The following SLC18A2 variants were observed in gnomAD, a reference collection of about 807,000 sequenced individuals.
SLC18A2 encodes synaptic vesicular amine transporter.
SLC18A2 carries 33 observed loss-of-function variants against 59.2 expected under a neutral mutation model. The observed-to-expected ratio is 0.56, with a 90% CI of 0.42 to 0.75. The LOEUF (loss-of-function observed/expected upper bound fraction) is 0.75, where lower values mean the gene tolerates loss of function less well. SLC18A2 is among the 30% of genes least tolerant of loss of function. SLC18A2 has a pLI of 0.00. For synonymous variants in SLC18A2, 228 were observed against 253.5 expected, an observed-to-expected ratio of 0.90 and a Z score of 0.95; for missense variants, 569 against 668.6, an observed-to-expected ratio of 0.85 and a Z score of 1.64.
chr10:117,241,559 C>T (rs1461146075), intron 1 of SLC18A2, 120 bp from the exon 2 acceptor site: 5 of 1,137,148 alleles, frequency 4.4e-6, no homozygotes, highest in African/African-American at 3.3e-5. Context: ...CTGGGGCGCC[C>T]GGGGGTGTCC....
At chr10:117,258,353 C>G (rs1844253537) in intron 10 of SLC18A2, among the ~76,000 whole-genome samples, 1 of 152,168 alleles carries the variant, frequency 6.6e-6, no homozygotes, top group South Asian at 2.1e-4. Flanking sequence ...TTCTCCCTCC[C>G]CCAGCCCATC....
chr10:117,251,353 GC>G (rs1398508684), intron 3 of SLC18A2, among the ~76,000 whole-genome samples: 16 of 152,162 alleles, frequency 1.1e-4, no homozygotes, highest in African/African-American at 4.8e-5. Context: ...TGCCGTGTGA[GC>G]CCCCGGTGTT....
At chr10:117,246,636 T>C (rs934874820) in intron 3 of SLC18A2, among the ~76,000 whole-genome samples, 3 of 151,866 alleles carry the variant, frequency 2.0e-5, no homozygotes, top group Non-Finnish European at 4.4e-5. Context: ...CCTGGTAATA[T>C]GGAAGGACAA....
At chr10:117,243,688 C>A (rs1412628615) in intron 2 of SLC18A2, among the ~76,000 whole-genome samples, 2 of 152,156 alleles carry the variant, frequency 1.3e-5, no homozygotes, top group Non-Finnish European at 2.9e-5. Context: ...CAGGTTCAAG[C>A]GATCCTCCTT....
intron 10 of SLC18A2, among the ~76,000 whole-genome samples, chr10:117,259,146 A>T (rs1462038318): frequency 6.6e-6 from 1 of 152,182 alleles, no homozygotes; most frequent in Non-Finnish European, 1.5e-5. Context: ...TGACTGGGTA[A>T]TTATTGTTCA....
rs363252 is a variant in SLC18A2, at chr10:117,260,070, A to G, written c.991+2178A>G. 7.4e-3 allele frequency among the ~76,000 whole-genome samples: 1,124 copies of G among 152,276 alleles called. 9 individuals carry two copies. Among genetic ancestry groups the G allele is most frequent in the African/African-American group, 0.025 (1,055 of 41,544 alleles). On this transcript the variant is annotated intron_variant, in intron 10 of 15. Coordinates refer to ENST00000644641, the MANE Select transcript of SLC18A2 (RefSeq NM_003054.6). The stretch of plus-strand genomic sequence containing the variant: ...TAAAATTGATGCTATCATATCTTAA[A>G]TCTGAAGAGCCTTTTGTGTATACCC...
chr10:117,251,409 C>G (rs942388180), intron 3 of SLC18A2, among the ~76,000 whole-genome samples: 1 of 152,190 alleles, frequency 6.6e-6, no homozygotes, highest in African/African-American at 2.4e-5. Flanking sequence ...AGAATCAGCT[C>G]TGGGTGGGCT....
At chr10:117,247,730 C>T (rs900643819) in intron 3 of SLC18A2, among the ~76,000 whole-genome samples, 1 of 152,190 alleles carries the variant, frequency 6.6e-6, no homozygotes, top group African/African-American at 2.4e-5. Flanking sequence ...TTTTTCCAGT[C>T]CCTGATGTGA....
chr10:117,241,578 C>T (rs1193753798), intron 1 of SLC18A2, 101 bp from the exon 2 acceptor site: 3 of 1,270,154 alleles, frequency 2.4e-6, no homozygotes, highest in Non-Finnish European at 2.0e-6. Context: ...CCCCGGATGC[C>T]GGTGCGCGCG....
rs1409930334 is a variant in SLC18A2 at position 117,269,008 on chromosome 10, A to G, written c.1187-1063A>G. 6.6e-6 allele frequency among the ~76,000 whole-genome samples: 1 copy of G among 151,772 alleles called. No homozygotes were observed. The highest frequency in any genetic ancestry group is 1.5e-5 in the Non-Finnish European group (1 of 67,894). ...CATTCATACACACAAACACACATAC[A>G]CACACTGACACACGCATACACACAC... On this transcript the variant is annotated intron_variant, in intron 13 of 15. Transcript: ENST00000644641. This position sits in a 1 kb window ranked among gnomAD's most constrained non-coding sequence, Gnocchi z 5.1.
Position 117,277,272 on chromosome 10 carries a change from G to A in SLC18A2, c.*6G>A. On this transcript the variant is annotated 3_prime_UTR_variant, in exon 16 of 16. Coordinates refer to ENST00000644641, the MANE Select transcript of SLC18A2 (RefSeq NM_003054.6). ...AAGAATCTGAAAGTGACTGAGATGA[G>A]ATCCTCAAAAATCATCAAAGTGTTT... 6.5e-7 allele frequency: 1 copy of A among 1,529,976 alleles called. No individual in the cohort carries two copies. The highest frequency in any genetic ancestry group is 1.7e-5 in the Admixed American group (1 of 59,096). The allele number at this position is 1,529,976 out of a possible 1,614,324, so 94.8% of individuals were successfully genotyped here. A position where few individuals can be genotyped will look rare whatever the true frequency, so the allele number is the denominator to read the frequency against.
chr10:117,251,223 G>A (rs1267930599), intron 3 of SLC18A2, among the ~76,000 whole-genome samples: 1 of 152,180 alleles, frequency 6.6e-6, no homozygotes, highest in East Asian at 1.9e-4. Context: ...TTCCAGGACA[G>A]CCCGGAAGAT....
rs1436427481 is a variant in SLC18A2 at position 117,269,392 on chromosome 10, A to C, written c.1187-679A>C. Reference sequence around the variant, plus strand: ...GACATACACAGATACATATATACATATACATACATACTCATAAATACACAC... The same window carrying C: ...GACATACACAGATACATATATACATCTACATACATACTCATAAATACACAC... On this transcript the variant is annotated intron_variant, in intron 13 of 15. Coordinates refer to ENST00000644641, the MANE Select transcript of SLC18A2 (RefSeq NM_003054.6). The surrounding 1 kb of genome is among the most constrained non-coding windows in gnomAD (Gnocchi z 5.1). 6.6e-6 allele frequency among the ~76,000 whole-genome samples: 1 copy of C among 152,194 alleles called. No individual in the cohort carries two copies. The highest frequency in any genetic ancestry group is 2.4e-5 in the African/African-American group (1 of 41,438).
In SLC18A2 at chr10:117,277,290, A is replaced by G. The variant is rs1326765354; in HGVS notation, c.*24A>G. The G allele has an allele frequency of 2.8e-6, 4 of 1,422,746 alleles. No individual in the cohort carries two copies. The highest frequency in any genetic ancestry group is 1.4e-5 in the African/African-American group (1 of 71,252). 88.1% of individuals were successfully genotyped at this position (1,422,746 alleles called of 1,614,324 possible). A position where few individuals can be genotyped will look rare whatever the true frequency, so the allele number is the denominator to read the frequency against. On this transcript the variant is annotated 3_prime_UTR_variant, in exon 16 of 16. Transcript: ENST00000644641. The stretch of plus-strand genomic sequence containing the variant: ...GAGATGAGATCCTCAAAAATCATCA[A>G]AGTGTTTAATTGTATAAAACAGTGT...
rs1347728002 is a variant in SLC18A2 at position 117,269,399 on chromosome 10, C to T, written c.1187-672C>T. On this transcript the variant is annotated intron_variant, in intron 13 of 15. Transcript: ENST00000644641. This position sits in a 1 kb window ranked among gnomAD's most constrained non-coding sequence, Gnocchi z 5.1. Reference sequence around the variant, plus strand: ...ACAGATACATATATACATATACATACATACTCATAAATACACACATATACA... The same window carrying T: ...ACAGATACATATATACATATACATATATACTCATAAATACACACATATACA... Among the ~76,000 whole-genome samples the T allele has an allele frequency of 6.6e-6, 1 of 152,074 alleles. No individual in the cohort carries two copies. Among genetic ancestry groups the T allele is most frequent in the Non-Finnish European group, 1.5e-5 (1 of 68,018 alleles).
rs780054649 is a variant in SLC18A2 at position 117,270,350 on chromosome 10, A to G, written c.1327A>G (p.Ile443Val). 2 of 1,614,214 alleles carry G rather than the reference A, an allele frequency of 1.2e-6. No homozygotes were observed. Among genetic ancestry groups the G allele is most frequent in the Non-Finnish European group, 1.7e-6 (2 of 1,180,036 alleles). ...GAAAGGTCCTTCTGCTGGTGGTGCT[A>G]TTGCAAAGGCAATTGGATTTCCATG... ...YAIGPSAGGA[I>V]AKAIGFPWLM... Residue 443 changes from isoleucine to valine, a missense_variant, in exon 15 of 16, where the codon ATT becomes GTT. Ile to Val is a conservative substitution (Grantham distance 29). Coordinates refer to ENST00000644641, the MANE Select transcript of SLC18A2 (RefSeq NM_003054.6).
At chr10:117,252,134 ATTTTTTTTTTTT>A (rs57101171) in intron 3 of SLC18A2, among the ~76,000 whole-genome samples, 21 of 44,348 alleles carry the variant, frequency 4.7e-4, no homozygotes, top group Admixed American at 2.4e-3. Context: ...CATTTTTTGT[ATTTTTTTTTTTT>A]TTTTTTTTTT....
At chr10:117,265,378 T>G (rs1282013327) in intron 10 of SLC18A2, among the ~76,000 whole-genome samples, 1 of 152,122 alleles carries the variant, frequency 6.6e-6, no homozygotes, top group Admixed American at 6.5e-5. Flanking sequence ...CCAGGCCCCA[T>G]GCATTTTGAG....
chr10:117,255,313 T>C lies in SLC18A2; in HGVS notation c.737T>C (p.Val246Ala). 1 of 1,614,194 alleles carries C rather than the reference T, an allele frequency of 6.2e-7. No homozygotes were observed. Among genetic ancestry groups the C allele is most frequent in the South Asian group, 1.1e-5 (1 of 91,086 alleles). The change falls in exon 7 of 16, where the codon GTG becomes GCG. Residue 246 changes from valine (V) to alanine (A), a missense_variant. By Grantham distance (64) the Val-to-Ala change is moderately conservative. Coordinates refer to ENST00000644641, the MANE Select transcript of SLC18A2 (RefSeq NM_003054.6). Reference protein sequence around the residue: ...PPFGSVLYEFVGKTAPFLVLA... With the variant: ...PPFGSVLYEFAGKTAPFLVLA... The stretch of plus-strand genomic sequence containing the variant: ...TTCGGGAGTGTGCTCTATGAGTTTG[T>C]GGGGAAGACGGCTCCGTTCCTGGTG...
Sources: gnomAD v4.1 joint callset for allele counts (sites outside exome capture counted in the v4.1 genomes callset) on GRCh38, gnomAD v4.1.1 for gene constraint, Gnocchi (gnomAD v3.1) non-coding constraint, MANE v1.5 for transcripts, NCBI Gene and HGNC (gene_info 2026-07-23, HGNC 2026-07-21) for gene names.